PIK3C2G: variants seen among roughly 807,000 people sequenced by gnomAD.
PIK3C2G encodes the protein phosphatidylinositol 3-kinase C2 domain-containing subunit gamma.
PIK3C2G carries 168 observed loss-of-function variants against 181.1 expected under a neutral mutation model. The observed-to-expected ratio is 0.93, with a 90% CI of 0.82 to 1.05. The LOEUF (loss-of-function observed/expected upper bound fraction) is 1.05. Among genes scored for constraint, PIK3C2G ranks in the 50% least tolerant of loss-of-function variants. The pLI is 0.00. For synonymous variants in PIK3C2G, 573 were observed against 592.2 expected, an observed-to-expected ratio of 0.97 and a Z score of 0.47; for missense variants, 1,869 against 1,732.8, an observed-to-expected ratio of 1.08 and a Z score of -1.40.
intron 16 of PIK3C2G, among the ~76,000 whole-genome samples, chr12:18,415,324 T>C (rs1945113934): frequency 1.3e-5 from 2 of 152,228 alleles, no homozygotes; most frequent in Non-Finnish European, 1.5e-5. Flanking sequence ...ATATCTGTTA[T>C]GGTGATCTGT....
chr12:18,692,321 G>T, the PIK3C2G span, among the ~76,000 whole-genome samples: 1 of 152,134 alleles, frequency 6.6e-6, no homozygotes, highest in Admixed American at 6.6e-5. Flanking sequence ...AACAGGTACA[G>T]TTATAGCCTA....
At chr12:18,634,654 G>C (rs1949509496) in intron 31 of PIK3C2G, among the ~76,000 whole-genome samples, 1 of 152,132 alleles carries the variant, frequency 6.6e-6, no homozygotes. Flanking sequence ...GGTCAGCCTT[G>C]ATGAATAAAA....
At chr12:18,613,464 C>T (rs1479664941) in intron 31 of PIK3C2G, among the ~76,000 whole-genome samples, 1 of 151,828 alleles carries the variant, frequency 6.6e-6, no homozygotes, top group African/African-American at 2.4e-5. Flanking sequence ...AACACAAGAA[C>T]CCCCCCACAC....
chr12:18,505,808 T>C (rs1187740210), intron 24 of PIK3C2G, among the ~76,000 whole-genome samples: 1 of 152,204 alleles, frequency 6.6e-6, no homozygotes, highest in Non-Finnish European at 1.5e-5. Context: ...TCTGCTATAT[T>C]GCTCATAGCA....
intron 31 of PIK3C2G, among the ~76,000 whole-genome samples, chr12:18,609,999 C>A (rs2136599255): frequency 6.6e-6 from 1 of 152,142 alleles, no homozygotes; most frequent in East Asian, 1.9e-4. Flanking sequence ...ATGGAAACCC[C>A]ATCTTTGTTT....
At chr12:18,420,916 A>G (rs369122411) in intron 16 of PIK3C2G, 25 bp from the exon 17 acceptor site, 198 of 1,208,496 alleles carry the variant, frequency 1.6e-4, no homozygotes, top group Admixed American at 4.2e-4. Context: ...TTAACAGCTT[A>G]GTGGATATAT....
chr12:18,268,023 C>A (rs532228767), intron 1 of PIK3C2G, among the ~76,000 whole-genome samples: 2 of 152,090 alleles, frequency 1.3e-5, no homozygotes, highest in African/African-American at 4.8e-5. Flanking sequence ...CTTTTTAGGG[C>A]GGTGGAGGGA....
intron 24 of PIK3C2G, among the ~76,000 whole-genome samples, chr12:18,515,024 A>T (rs1206467684): frequency 2.6e-5 from 4 of 151,972 alleles, no homozygotes; most frequent in African/African-American, 9.7e-5. Context: ...TGATTCTATT[A>T]TTGTGATGTA....
chr12:18,426,886 T>C (rs1280479026), intron 18 of PIK3C2G, among the ~76,000 whole-genome samples: 7 of 152,202 alleles, frequency 4.6e-5, no homozygotes, highest in African/African-American at 1.7e-4. Flanking sequence ...GTTATTATAA[T>C]AAAACATAAG....
chr12:18,478,887 T>C (rs1939269088), intron 18 of PIK3C2G, among the ~76,000 whole-genome samples: 1 of 151,186 alleles, frequency 6.6e-6, no homozygotes, highest in Non-Finnish European at 1.5e-5. Context: ...AGGTGGGAGG[T>C]TCAGTGGAGC....
chr12:18,257,375 A>T (rs1948156173), upstream of PIK3C2G, among the ~76,000 whole-genome samples: 3 of 152,324 alleles, frequency 2.0e-5, no homozygotes, highest in South Asian at 6.2e-4. Context: ...TGCAATAATG[A>T]TAGGAAGAGC....
At chr12:18,327,789 CA>C (rs1443911400) in intron 8 of PIK3C2G, among the ~76,000 whole-genome samples, 2 of 151,950 alleles carry the variant, frequency 1.3e-5, no homozygotes, top group African/African-American at 4.8e-5. Flanking sequence ...ATGCTTACTT[CA>C]TGCAAATTAT....
intron 29 of PIK3C2G, among the ~76,000 whole-genome samples, chr12:18,590,333 T>C (rs1947012590): frequency 6.6e-6 from 1 of 151,874 alleles, no homozygotes; most frequent in African/African-American, 2.4e-5. Context: ...TTGATAGATA[T>C]AATATGGGTT....
chr12:18,360,537 T>C (rs938180312), intron 11 of PIK3C2G, among the ~76,000 whole-genome samples: 2 of 152,198 alleles, frequency 1.3e-5, no homozygotes, highest in Non-Finnish European at 2.9e-5. Flanking sequence ...TGTTTAGCAT[T>C]TCTTACAAAG....
At chr12:18,589,824 T>G (rs1260876666) in intron 29 of PIK3C2G, among the ~76,000 whole-genome samples, 5 of 152,010 alleles carry the variant, frequency 3.3e-5, no homozygotes, top group African/African-American at 7.2e-5. Flanking sequence ...TCATCTTTCT[T>G]AAAACAAACA....
chr12:18,632,807 C>T (rs1271870577), intron 31 of PIK3C2G, among the ~76,000 whole-genome samples: 11 of 152,170 alleles, frequency 7.2e-5, no homozygotes, highest in Admixed American at 7.2e-4. Flanking sequence ...TTAATGCCCA[C>T]CCACCCTGGG....
chr12:18,319,881 T>C (rs1157548648), intron 6 of PIK3C2G, among the ~76,000 whole-genome samples: 1 of 152,198 alleles, frequency 6.6e-6, no homozygotes, highest in African/African-American at 2.4e-5. Context: ...TGACTCTATA[T>C]GTAAATTTCT....
the PIK3C2G span, among the ~76,000 whole-genome samples, chr12:18,675,183 G>T: frequency 2.6e-5 from 4 of 152,148 alleles, no homozygotes; most frequent in African/African-American, 4.8e-5. Context: ...GACAGAGCTG[G>T]TCTAGATGGC....
In PIK3C2G at chr12:18,641,765, A is replaced by G. The variant is rs371187541; in HGVS notation, c.4308+1211A>G. Among the ~76,000 whole-genome samples the G allele has an allele frequency of 9.2e-3, 338 of 36,678 alleles. 2 individuals are homozygous for G. Among genetic ancestry groups the G allele is most frequent in the African/African-American group, 0.05 (320 of 6,404 alleles). 24.1% of individuals were successfully genotyped at this position (36,678 alleles called of 152,430 possible). A position where few individuals can be genotyped will look rare whatever the true frequency, so the allele number is the denominator to read the frequency against. ...AAGCTTTTTTTTTTTTTTTTTTTTG[A>G]GATGGAGCCCTTCACTCTGTGTCTA... On this transcript the variant is annotated intron_variant, in intron 32 of 32. Transcript: ENST00000538779.
Sources: allele counts gnomAD v4.1 joint callset (sites outside exome capture counted in the v4.1 genomes callset), GRCh38; gene constraint gnomAD v4.1.1; transcripts MANE v1.5; gene names NCBI Gene and HGNC (gene_info 2026-07-23, HGNC 2026-07-21).